The following MSH3 variants were observed in gnomAD, a reference collection of about 807,000 sequenced individuals.
MSH3 encodes mutS homolog 3, also known as DNA mismatch repair protein Msh3.
A neutral mutation model predicts 123.3 loss-of-function variants in MSH3; 106 were observed. The ratio of observed to expected loss-of-function variants is 0.86; its 90% confidence interval spans 0.73 to 1.01. The LOEUF (loss-of-function observed/expected upper bound fraction) is 1.01, where lower values mean the gene tolerates loss of function less well. MSH3 is among the 50% of genes least tolerant of loss of function. The probability of loss-of-function intolerance (pLI) is 0.00; values close to 1 mark genes in which losing one functional copy is unlikely to be tolerated. For synonymous variants in MSH3, 515 were observed against 481.4 expected, an observed-to-expected ratio of 1.07 and a Z score of -0.91; for missense variants, 1,459 against 1,347.6, an observed-to-expected ratio of 1.08 and a Z score of -1.29.
intron 22 of MSH3, among the ~76,000 whole-genome samples, chr5:80,868,710 C>A (rs1287418214): frequency 6.7e-6 from 1 of 149,994 alleles, no homozygotes; most frequent in Non-Finnish European, 1.5e-5. Flanking sequence ...GTACAGCAAA[C>A]CTCCGTGACA....
intron 2 of MSH3, among the ~76,000 whole-genome samples, chr5:80,660,430 G>GGTCC (rs1304035257): frequency 5.3e-5 from 8 of 152,030 alleles, no homozygotes; most frequent in Admixed American, 5.2e-4. Context: ...CCTCTCACTG[G>GGTCC]GTCCCTACCA....
At chr5:80,765,285 G>A (rs1233939105) in intron 13 of MSH3, among the ~76,000 whole-genome samples, 1 of 152,102 alleles carries the variant, frequency 6.6e-6, no homozygotes, top group Non-Finnish European at 1.5e-5. Context: ...TATTGAAAAT[G>A]TTTGTGTTTG....
chr5:80,715,499 T>C (rs1450304855), intron 8 of MSH3: 2 of 152,202 alleles, frequency 1.3e-5, no homozygotes, highest in African/African-American at 4.8e-5. Flanking sequence ...ATGACAGTGG[T>C]GGGTGGGGGG....
intron 19 of MSH3, among the ~76,000 whole-genome samples, chr5:80,812,404 T>C (rs1038105831): frequency 4.6e-5 from 7 of 152,296 alleles, no homozygotes; most frequent in Middle Eastern, 3.4e-3. Flanking sequence ...TTTTATTTTC[T>C]CATAACTACT....
chr5:80,850,257 C>T (rs1233528751), intron 20 of MSH3, among the ~76,000 whole-genome samples: 1 of 152,196 alleles, frequency 6.6e-6, no homozygotes, highest in African/African-American at 2.4e-5. Context: ...AAGTTCCAGA[C>T]TTTCTCACAT....
chr5:80,751,315 C>T (rs928523022), intron 12 of MSH3, among the ~76,000 whole-genome samples: 2 of 152,126 alleles, frequency 1.3e-5, no homozygotes, highest in Non-Finnish European at 2.9e-5. Context: ...AGAGTGGTGA[C>T]ATCATTAATG....
chr5:80,702,747 C>T (rs778594940), intron 8 of MSH3, among the ~76,000 whole-genome samples: 1 of 151,916 alleles, frequency 6.6e-6, no homozygotes, highest in South Asian at 2.1e-4. Context: ...TGCAGTGGCT[C>T]ACGCCTGTAA....
chr5:80,876,581 A>T lies in MSH3; in HGVS notation c.*719A>T, dbSNP rs1746311954. 6.6e-6 allele frequency: 1 copy of T among 152,300 alleles called. No homozygotes were observed. The highest frequency in any genetic ancestry group is 1.5e-5 in the Non-Finnish European group (1 of 68,280). The allele number at this position is 152,300 out of a possible 1,614,324, so 9.4% of individuals were successfully genotyped here. A position where few individuals can be genotyped will look rare whatever the true frequency, so the allele number is the denominator to read the frequency against. On this transcript the variant is annotated 3_prime_UTR_variant, in exon 24 of 24. Coordinates refer to ENST00000265081, the MANE Select transcript of MSH3 (RefSeq NM_002439.5). ...GAGGCGGAGGTTGCAATGAGCCGAG[A>T]TCACGTCACTGCACTCCAGCTTGGG...
chr5:80,681,147 C>G (rs552586855), intron 8 of MSH3, among the ~76,000 whole-genome samples: 1 of 152,200 alleles, frequency 6.6e-6, no homozygotes, highest in Admixed American at 6.5e-5. Context: ...CTTTGCCAGT[C>G]ACATAGATGA....
chr5:80,666,697 A>AG (rs1278837162), intron 3 of MSH3, among the ~76,000 whole-genome samples: 1 of 152,188 alleles, frequency 6.6e-6, no homozygotes, highest in Non-Finnish European at 1.5e-5. Context: ...AAGTAGACAG[A>AG]GGGGGCACGT....
chr5:80,802,902 T>C (rs1744817719), intron 19 of MSH3, among the ~76,000 whole-genome samples: 1 of 152,158 alleles, frequency 6.6e-6, no homozygotes, highest in African/African-American at 2.4e-5. Context: ...AATGACAGGA[T>C]CTTATTCTTT....
chr5:80,687,345 T>C (rs1356130457), intron 8 of MSH3, among the ~76,000 whole-genome samples: 1 of 152,216 alleles, frequency 6.6e-6, no homozygotes, highest in African/African-American at 2.4e-5. Context: ...TGTATGTTTA[T>C]AGAAATGGTT....
intron 8 of MSH3, among the ~76,000 whole-genome samples, chr5:80,697,212 A>G (rs1750502538): frequency 6.6e-6 from 1 of 152,160 alleles, no homozygotes; most frequent in Non-Finnish European, 1.5e-5. Flanking sequence ...CTCCATACCA[A>G]GTGGATTCAG....
chr5:80,761,456 C>T (rs2112879729), intron 12 of MSH3, 90 bp from the exon 13 acceptor site: 1 of 1,475,828 alleles, frequency 6.8e-7, no homozygotes, highest in Non-Finnish European at 9.5e-7. Context: ...TAATAAGTGG[C>T]TGTGTCACAT....
Position 80,717,903 on chromosome 5 carries a change from G to A in MSH3, c.1341-7550G>A, listed in dbSNP as rs6151711. Among the ~76,000 whole-genome samples, 577 of 152,228 alleles carry A rather than the reference G, an allele frequency of 3.8e-3. 2 individuals carry two copies. Among genetic ancestry groups the A allele is most frequent in the Middle Eastern group, 0.027 (8 of 294 alleles). The stretch of plus-strand genomic sequence containing the variant: ...AATTCAGCGTGATGATGGAACATTG[G>A]TAGTTGCTTATGAGATAAAACAGAC... On this transcript the variant is annotated intron_variant, in intron 8 of 23. Coordinates refer to ENST00000265081, the MANE Select transcript of MSH3 (RefSeq NM_002439.5).
chr5:80,832,037 G>A (rs1745428178), intron 20 of MSH3, among the ~76,000 whole-genome samples: 1 of 152,122 alleles, frequency 6.6e-6, no homozygotes, highest in African/African-American at 2.4e-5. Flanking sequence ...GTGAACCCGG[G>A]AGGCGGAGCT....
intron 8 of MSH3, among the ~76,000 whole-genome samples, chr5:80,698,376 C>T (rs1750531978): frequency 6.6e-6 from 1 of 152,126 alleles, no homozygotes; most frequent in South Asian, 2.1e-4. Flanking sequence ...GAGAAAGATC[C>T]CTCCTTTCCA....
chr5:80,861,599 G>T lies in MSH3; in HGVS notation c.3001-3214G>T, dbSNP rs893388404. ...CTTCCCCTTGCCTGAAGCATAAGGGGAATTTACTCCAGTGTTTATTGTGAG... is the reference window on the plus strand; with the variant it reads ...CTTCCCCTTGCCTGAAGCATAAGGGTAATTTACTCCAGTGTTTATTGTGAG... On this transcript the variant is annotated intron_variant, in intron 21 of 23. Coordinates refer to ENST00000265081, the MANE Select transcript of MSH3 (RefSeq NM_002439.5). 2.0e-5 allele frequency among the ~76,000 whole-genome samples: 3 copies of T among 152,256 alleles called. No homozygotes were observed. The East Asian group carries it at 5.8e-4, about 29-fold the overall frequency.
chr5:80,692,628 A>G (rs928536444), intron 8 of MSH3, among the ~76,000 whole-genome samples: 22 of 140,288 alleles, frequency 1.6e-4, no homozygotes, highest in Non-Finnish European at 2.3e-4. Context: ...ATAAACATGT[A>G]TATGTTTATA....
Sources: gnomAD v4.1 joint callset for allele counts (sites outside exome capture counted in the v4.1 genomes callset) on GRCh38, gnomAD v4.1.1 for gene constraint, MANE v1.5 for transcripts, NCBI Gene and HGNC (gene_info 2026-07-23, HGNC 2026-07-21) for gene names.